Variants in FCN2 observed in about 807,000 individuals in gnomAD.
FCN2 encodes ficolin 2, also known as ficolin-2.
FCN2 carries 31 observed loss-of-function variants against 32.5 expected under a neutral mutation model. The ratio of observed to expected loss-of-function variants is 0.96; its 90% CI spans 0.72 to 1.29. The LOEUF (loss-of-function observed/expected upper bound fraction) is 1.29. FCN2 is among the 50% of genes most tolerant of loss of function. FCN2 has a pLI of 0.00. For synonymous variants in FCN2, 181 were observed against 164.5 expected (o/e 1.10, Z -0.77); for missense variants, 412 against 406.5 (o/e 1.01, Z -0.12).
At chr9:134,878,891 A>T (rs1007601887), upstream of FCN2, among the ~76,000 whole-genome samples, 1 of 152,234 alleles carries the variant, frequency 6.6e-6, no homozygotes. Flanking sequence ...TCATTTTAAA[A>T]GTGTGACTTA....
the FCN2 span, among the ~76,000 whole-genome samples, chr9:134,869,676 C>G: frequency 1.3e-5 from 2 of 152,258 alleles, no homozygotes; most frequent in Non-Finnish European, 2.9e-5. Flanking sequence ...AGGCCCAGTG[C>G]GGCTGCTTCA....
At chr9:134,876,826 C>A (rs1044313166), upstream of FCN2, among the ~76,000 whole-genome samples, 2 of 152,212 alleles carry the variant, frequency 1.3e-5, no homozygotes, top group Admixed American at 1.3e-4. Flanking sequence ...CTACCCACCT[C>A]GACCTCCCAA....
At chr9:134,872,377 G>C in the FCN2 span, among the ~76,000 whole-genome samples, 1 of 152,194 alleles carries the variant, frequency 6.6e-6, no homozygotes, top group African/African-American at 2.4e-5. Context: ...GACAAACCAG[G>C]CTGCTATGAA....
chr9:134,870,135 G>A, the FCN2 span, among the ~76,000 whole-genome samples: 2 of 152,204 alleles, frequency 1.3e-5, no homozygotes, highest in Non-Finnish European at 2.9e-5. This position sits in a 1 kb window ranked among gnomAD's most constrained non-coding sequence, Gnocchi z 4.3. Flanking sequence ...ATGTGGAGGT[G>A]GCTGGTGGCA....
intron 4 of FCN2, 24 bp from the exon 5 acceptor site, chr9:134,885,215 C>T: frequency 6.2e-7 from 1 of 1,613,970 alleles, no homozygotes; most frequent in Non-Finnish European, 8.5e-7. Context: ...TGTCCTGCAG[C>T]CATTCCCCGG....
intron 1 of FCN2, 119 bp downstream of exon 1, chr9:134,881,040 C>T (rs936543367): frequency 4.1e-5 from 31 of 750,798 alleles, no homozygotes; most frequent in Non-Finnish European, 5.2e-5. Context: ...CATCGTCTAA[C>T]GAGACAGCAG....
At chr9:134,872,967 A>G in the FCN2 span, among the ~76,000 whole-genome samples, 3,771 of 152,172 alleles carry the variant, frequency 0.025, 100 homozygotes, top group African/African-American at 0.058. Flanking sequence ...GGTTGAACCA[A>G]TTTCACAGGG....
the FCN2 span, among the ~76,000 whole-genome samples, chr9:134,870,180 C>T: frequency 2.0e-5 from 3 of 152,302 alleles, no homozygotes; most frequent in Middle Eastern, 3.4e-3. This position sits in a 1 kb window ranked among gnomAD's most constrained non-coding sequence, Gnocchi z 4.3. Context: ...CACTGGATGC[C>T]GGTTTCCCCG....
At chr9:134,875,304 T>C in the FCN2 span, among the ~76,000 whole-genome samples, 7 of 152,366 alleles carry the variant, frequency 4.6e-5, no homozygotes, top group Non-Finnish European at 1.5e-5. Context: ...TTCAACGTGA[T>C]GTGAACTGTG....
At chr9:134,883,419 G>A (rs376959770) in intron 3 of FCN2, 64 bp downstream of exon 3, 39 of 1,426,880 alleles carry the variant, frequency 2.7e-5, no homozygotes, top group Non-Finnish European at 3.5e-5. Flanking sequence ...GCAGAGGAAC[G>A]TGAGGCGGGT....
chr9:134,880,892 G>A lies in FCN2; in HGVS notation c.71G>A (p.Trp24Ter), dbSNP rs1402041096. 3 of 1,613,332 alleles carry A rather than the reference G, an allele frequency of 1.9e-6. No individual in the cohort carries two copies. The highest frequency in any genetic ancestry group is 2.7e-5 in the African/African-American group (2 of 74,928). ...TLLLSFLGMAWALQAADTCPE... is the reference protein window; with the variant it reads ...TLLLSFLGMA The stretch of plus-strand genomic sequence containing the variant: ...CTGCTCTCTTTCCTGGGCATGGCCT[G>A]GGCTCTCCAGGCGGCAGACACCTGT... The change falls in exon 1 of 8, where the codon TGG becomes TAG. Residue 24 changes from tryptophan to a stop codon, truncating the protein, a stop_gained. Coordinates refer to ENST00000291744, the MANE Select transcript of FCN2 (RefSeq NM_004108.3). LOFTEE classifies it high-confidence loss of function.
chr9:134,878,171 T>C (rs949596228), upstream of FCN2, among the ~76,000 whole-genome samples: 4 of 152,186 alleles, frequency 2.6e-5, no homozygotes, highest in Non-Finnish European at 5.9e-5. Context: ...ACACAGCCTA[T>C]TGTGATCCTG....
At chr9:134,882,755 G>A (rs916699461) in intron 2 of FCN2, 116 bp downstream of exon 2, 1 of 706,814 alleles carries the variant, frequency 1.4e-6, no homozygotes, top group Non-Finnish European at 2.4e-6. Flanking sequence ...GCCCCTGCAA[G>A]AGCCAGGAAA....
chr9:134,878,593 A>C (rs1455732938), upstream of FCN2, among the ~76,000 whole-genome samples: 1 of 152,224 alleles, frequency 6.6e-6, no homozygotes, highest in Non-Finnish European at 1.5e-5. Flanking sequence ...CTGTAATCCC[A>C]ACACTTAGGG....
intron 7 of FCN2, 124 bp from the exon 8 acceptor site, chr9:134,887,044 T>C: frequency 1.8e-6 from 2 of 1,106,366 alleles, no homozygotes; most frequent in Non-Finnish European, 2.8e-6. Flanking sequence ...TCTTGGATTG[T>C]GCAGTGCACA....
intron 5 of FCN2, 95 bp downstream of exon 5, chr9:134,885,461 TCCTGGTCGGGGA>T: frequency 1.3e-6 from 2 of 1,543,066 alleles, no homozygotes; most frequent in Non-Finnish European, 1.7e-6. Context: ...TTCTCTATTC[TCCTGGTCGGGGA>T]CAGTCAGAGA....
the FCN2 span, among the ~76,000 whole-genome samples, chr9:134,864,434 C>T: frequency 4.6e-5 from 7 of 152,182 alleles, no homozygotes; most frequent in Admixed American, 6.5e-5. Flanking sequence ...CTGTCTCCAC[C>T]GCCAGTTGGT....
chr9:134,884,021 C>G (rs989403371), intron 3 of FCN2, among the ~76,000 whole-genome samples: 3 of 151,784 alleles, frequency 2.0e-5, no homozygotes, highest in East Asian at 2.0e-4. Context: ...CTCACTCAGT[C>G]CTGGCCTCTG....
chr9:134,871,573 C>T, the FCN2 span, among the ~76,000 whole-genome samples: 3 of 152,300 alleles, frequency 2.0e-5, no homozygotes, highest in South Asian at 2.1e-4. Flanking sequence ...CCAGACCCTT[C>T]GGGACCAGGG....
Sources: allele counts gnomAD v4.1 joint callset (sites outside exome capture counted in the v4.1 genomes callset), GRCh38; gene constraint gnomAD v4.1.1; non-coding constraint Gnocchi (gnomAD v3.1); transcripts MANE v1.5; gene names NCBI Gene and HGNC (gene_info 2026-07-23, HGNC 2026-07-21).